WASL: variants seen among roughly 807,000 people sequenced by gnomAD.
The protein encoded by WASL is actin nucleation-promoting factor WASL.
In WASL, 20 loss-of-function variants were observed where a neutral mutation model predicts 55.5. The ratio of observed to expected loss-of-function variants is 0.36; its 90% CI spans 0.25 to 0.52. The LOEUF is 0.52. Among genes scored for constraint, WASL ranks in the 20% least tolerant of loss-of-function variants. The pLI is 0.92. For synonymous variants in WASL, 249 were observed against 217.6 expected, an observed-to-expected ratio of 1.14 and a Z score of -1.27; for missense variants, 504 against 622.5, an observed-to-expected ratio of 0.81 and a Z score of 2.03.
At chr7:123,725,403 C>T (rs774971139) in intron 1 of WASL, among the ~76,000 whole-genome samples, 1 of 151,912 alleles carries the variant, frequency 6.6e-6, no homozygotes, top group South Asian at 2.1e-4. Flanking sequence ...AATTTGAAAA[C>T]TGTAAAGCTA....
chr7:123,740,514 TTACTAAA>T (rs1214481791), intron 1 of WASL, among the ~76,000 whole-genome samples: 3 of 152,202 alleles, frequency 2.0e-5, no homozygotes, highest in Non-Finnish European at 4.4e-5. Flanking sequence ...TGTCTCCTAA[TTACTAAA>T]TACTTAATAC....
chr7:123,686,594 G>GT (rs1275448991), intron 10 of WASL, among the ~76,000 whole-genome samples: 1 of 151,958 alleles, frequency 6.6e-6, no homozygotes, highest in Non-Finnish European at 1.5e-5. Flanking sequence ...AAAACTTATT[G>GT]TAGGGAAATA....
At chr7:123,706,454 G>T in intron 3 of WASL, 81 bp from the exon 4 acceptor site, 1 of 1,319,372 alleles carries the variant, frequency 7.6e-7, no homozygotes, top group Non-Finnish European at 1.1e-6. Flanking sequence ...AGGAAAAGAA[G>T]TATATTTCTA....
At chr7:123,690,916 C>T (rs1044102711) in intron 9 of WASL, among the ~76,000 whole-genome samples, 13 of 152,086 alleles carry the variant, frequency 8.5e-5, no homozygotes, top group Non-Finnish European at 1.9e-4. Flanking sequence ...CATTAATTCT[C>T]CCCACTAACC....
intron 2 of WASL, among the ~76,000 whole-genome samples, chr7:123,707,424 G>A (rs572317196): frequency 5.1e-4 from 77 of 152,254 alleles, no homozygotes; most frequent in African/African-American, 1.7e-3. Flanking sequence ...TAATTAAAAT[G>A]TATCAAGGTT....
At chr7:123,704,732 A>G (rs980066029) in intron 4 of WASL, 75 bp from the exon 5 acceptor site, 6 of 1,002,666 alleles carry the variant, frequency 6.0e-6, no homozygotes, top group African/African-American at 3.4e-5. Flanking sequence ...TTAATTCACT[A>G]AACTGTCTTA....
chr7:123,700,970 T>C (rs1234626732), intron 5 of WASL, among the ~76,000 whole-genome samples: 1 of 152,320 alleles, frequency 6.6e-6, no homozygotes, highest in East Asian at 1.9e-4. Flanking sequence ...CTGTTGACAA[T>C]GGTTATTTAC....
chr7:123,745,403 T>A (rs1331851608), intron 1 of WASL, among the ~76,000 whole-genome samples: 1 of 152,146 alleles, frequency 6.6e-6, no homozygotes, highest in African/African-American at 2.4e-5. Context: ...CTTCCCCAAC[T>A]GTATCTCCTT....
In WASL at chr7:123,692,526, C is replaced by T; in HGVS notation, c.1168G>A (p.Gly390Ser). ...TGATGGTCCCCATCAGAAGGCAGGC[C>T]AGGCGGGGGCGGTGGCCCAGGAGGA... ...PPPPGPPPPP[G>S]LPSDGDHQVP... The change falls in exon 9 of 11, where the codon GGC becomes AGC. Residue 390 changes from glycine (G) to serine (S), a missense_variant. Gly to Ser is a moderately conservative substitution (Grantham distance 56, BLOSUM62 0). Transcript: ENST00000223023. 2 of 1,613,676 alleles carry T rather than the reference C, an allele frequency of 1.2e-6. No homozygotes were observed. The highest frequency in any genetic ancestry group is 2.2e-5 in the South Asian group (2 of 91,074).
At chr7:123,713,779 T>C (rs1436036371) in intron 1 of WASL, among the ~76,000 whole-genome samples, 1 of 152,244 alleles carries the variant, frequency 6.6e-6, no homozygotes, top group Non-Finnish European at 1.5e-5. Flanking sequence ...GTTTGAACTG[T>C]GTGGGTCCAC....
At chr7:123,699,080 G>C (rs1289265345) in intron 5 of WASL, among the ~76,000 whole-genome samples, 1 of 152,062 alleles carries the variant, frequency 6.6e-6, no homozygotes, top group Non-Finnish European at 1.5e-5. Flanking sequence ...ACAGAATTAG[G>C]AGTATCAGAA....
intron 5 of WASL, among the ~76,000 whole-genome samples, chr7:123,702,929 CT>C (rs1803614788): frequency 6.6e-6 from 1 of 152,152 alleles, no homozygotes; most frequent in Non-Finnish European, 1.5e-5. Flanking sequence ...TATGGGGTTA[CT>C]TTCCCCAAAG....
chr7:123,708,545 T>A (rs1012543204), intron 2 of WASL, among the ~76,000 whole-genome samples: 1 of 152,172 alleles, frequency 6.6e-6, no homozygotes, highest in African/African-American at 2.4e-5. Context: ...GTATTCAATC[T>A]ATAACAATGT....
Position 123,725,299 on chromosome 7 carries a change from A to G in WASL, c.118-16076T>C, listed in dbSNP as rs539070333. On this transcript the variant is annotated intron_variant, in intron 1 of 10. Transcript: ENST00000223023. Reference sequence around the variant, plus strand: ...TCTATTAAATTACTCAATAAATATTAAGTATGCTCATCACTACTGTGCTAT... The same window carrying G: ...TCTATTAAATTACTCAATAAATATTGAGTATGCTCATCACTACTGTGCTAT... Among the ~76,000 whole-genome samples, 3 of 152,310 alleles carry G rather than the reference A, an allele frequency of 2.0e-5. No homozygotes were observed. The East Asian group carries it at 5.8e-4, about 29-fold the overall frequency.
At chr7:123,691,764 ACT>A (rs1803412632) in intron 9 of WASL, among the ~76,000 whole-genome samples, 1 of 152,072 alleles carries the variant, frequency 6.6e-6, no homozygotes, top group Non-Finnish European at 1.5e-5. Flanking sequence ...TTCTATTACA[ACT>A]CTTTCAATTT....
intron 1 of WASL, among the ~76,000 whole-genome samples, chr7:123,714,992 A>C (rs1803816233): frequency 6.6e-6 from 1 of 152,176 alleles, no homozygotes; most frequent in Admixed American, 6.5e-5. Flanking sequence ...GTAGGAAATA[A>C]GAAAGAGAAG....
Position 123,683,520 on chromosome 7 carries a change from G to A in WASL, c.*999C>T, listed in dbSNP as rs199631514. 1.3e-5 allele frequency: 2 copies of A among 151,986 alleles called. No individual in the cohort carries two copies. The highest frequency in any genetic ancestry group is 3.9e-4 in the East Asian group (2 of 5,166). 9.4% of individuals were successfully genotyped at this position (151,986 alleles called of 1,614,324 possible). Reference sequence around the variant, plus strand: ...CAAATCAATGCATGTTCGGTTCCGTGTTTTAGCGCACACCTTTGCCAACTA... The same window carrying A: ...CAAATCAATGCATGTTCGGTTCCGTATTTTAGCGCACACCTTTGCCAACTA... On this transcript the variant is annotated 3_prime_UTR_variant, in exon 11 of 11. Coordinates refer to ENST00000223023, the MANE Select transcript of WASL (RefSeq NM_003941.4).
At chr7:123,745,926 T>C (rs1804423487) in intron 1 of WASL, among the ~76,000 whole-genome samples, 1 of 152,184 alleles carries the variant, frequency 6.6e-6, no homozygotes, top group African/African-American at 2.4e-5. Context: ...TCATCCTCTC[T>C]CCCACCATTC....
At chr7:123,710,476 GC>G (rs1803737522) in intron 1 of WASL, among the ~76,000 whole-genome samples, 1 of 151,966 alleles carries the variant, frequency 6.6e-6, no homozygotes, top group African/African-American at 2.4e-5. Context: ...CCTGAGGGGT[GC>G]CCTTTTTTGG....
Sources: allele counts gnomAD v4.1 joint callset (sites outside exome capture counted in the v4.1 genomes callset), GRCh38; gene constraint gnomAD v4.1.1; transcripts MANE v1.5; gene names NCBI Gene and HGNC (gene_info 2026-07-23, HGNC 2026-07-21).